Variants in SGPP2 observed in about 807,000 individuals in gnomAD.
The protein encoded by SGPP2 is sphingosine 1-phosphate phosphohydrolase 2.
Under a neutral mutation model 33.9 loss-of-function variants are expected in SGPP2, and 30 were observed. The ratio of observed to expected loss-of-function variants is 0.89; its 90% CI spans 0.66 to 1.20. SGPP2 has a LOEUF of 1.20. Ranked by LOEUF, SGPP2 falls within the 50% of genes most tolerant of loss-of-function variation. The pLI is 0.00. For missense variants in SGPP2, 458 were observed against 532.1 expected, an observed-to-expected ratio of 0.86 and a Z score of 1.37; for synonymous variants, 233 against 225.0, an observed-to-expected ratio of 1.04 and a Z score of -0.32.
chr2:222,513,445 C>A (rs560683111), intron 2 of SGPP2, among the ~76,000 whole-genome samples: 1 of 152,250 alleles, frequency 6.6e-6, no homozygotes, highest in African/African-American at 2.4e-5. Flanking sequence ...TCCCCCAAAC[C>A]AGCACAGTAC....
chr2:222,555,651 C>G (rs1689384464), intron 4 of SGPP2, among the ~76,000 whole-genome samples: 1 of 151,882 alleles, frequency 6.6e-6, no homozygotes. Context: ...GATGTAAACT[C>G]GAGAGAAACA....
intron 1 of SGPP2, chr2:222,452,484 C>T (rs2106076901): frequency 1.2e-6 from 1 of 855,494 alleles, no homozygotes; most frequent in Admixed American, 1.7e-5. Flanking sequence ...TAGTTGTCTG[C>T]TTTATTACGT....
intron 4 of SGPP2, among the ~76,000 whole-genome samples, chr2:222,543,509 A>G (rs779810950): frequency 3.9e-5 from 6 of 152,252 alleles, no homozygotes; most frequent in Admixed American, 3.3e-4. Context: ...AGGGACAGTA[A>G]GAGATTAACA....
intron 1 of SGPP2, among the ~76,000 whole-genome samples, chr2:222,429,608 G>A (rs188055818): frequency 8.5e-5 from 13 of 152,220 alleles, no homozygotes; most frequent in East Asian, 3.9e-4. Flanking sequence ...TTTAATGGCC[G>A]CATGTTCCTC....
At chr2:222,520,496 C>T (rs1698667984) in intron 2 of SGPP2, among the ~76,000 whole-genome samples, 1 of 152,016 alleles carries the variant, frequency 6.6e-6, no homozygotes, top group Non-Finnish European at 1.5e-5. Context: ...TTTGGGAGGC[C>T]GAGGCCGGCA....
At chr2:222,541,295 T>C (rs12478691) in intron 4 of SGPP2, among the ~76,000 whole-genome samples, 45 of 149,952 alleles carry the variant, frequency 3.0e-4, no homozygotes, top group African/African-American at 1.1e-3. Flanking sequence ...TTGGGGCTGT[T>C]TGAGGCACCA....
At position 222,550,024 on chromosome 2, in the gene SGPP2, G is replaced by A. The variant is rs767049574; in HGVS notation, c.649-8323G>A. Among the ~76,000 whole-genome samples the A allele has an allele frequency of 1.3e-5, 2 of 151,742 alleles. No homozygotes were observed. The highest frequency in any genetic ancestry group is 2.4e-5 in the African/African-American group (1 of 41,276). On this transcript the variant is annotated intron_variant, in intron 4 of 4. Transcript: ENST00000321276. The surrounding 1 kb of genome is among the most constrained non-coding windows in gnomAD (Gnocchi z 4.5). ...CCTGAGTAGCTGGAACTACAGGCAC[G>A]CGCCACCACGTCTGGTTAATTTTTT...
chr2:222,462,860 A>G (rs984039670), intron 1 of SGPP2, among the ~76,000 whole-genome samples: 1 of 152,194 alleles, frequency 6.6e-6, no homozygotes, highest in Non-Finnish European at 1.5e-5. Flanking sequence ...AAAAATTCTC[A>G]GAGCACAAAG....
chr2:222,482,017 T>C (rs1022484204), intron 2 of SGPP2, among the ~76,000 whole-genome samples: 2 of 152,216 alleles, frequency 1.3e-5, no homozygotes, highest in African/African-American at 4.8e-5. Flanking sequence ...TCTCTTCTAA[T>C]AATTATTGGC....
At chr2:222,495,102 G>A (rs1448218645) in intron 2 of SGPP2, among the ~76,000 whole-genome samples, 2 of 152,140 alleles carry the variant, frequency 1.3e-5, no homozygotes, top group Admixed American at 6.5e-5. Flanking sequence ...GTTTGCTAAT[G>A]TCAGAGCTTA....
chr2:222,453,143 A>G, intron 1 of SGPP2: 1 of 800,686 alleles, frequency 1.2e-6, no homozygotes. Context: ...AAGGAAGAGG[A>G]GAGACAGTCG....
chr2:222,537,641 A>G (rs1698934533), intron 4 of SGPP2, among the ~76,000 whole-genome samples: 1 of 152,234 alleles, frequency 6.6e-6, no homozygotes, highest in Non-Finnish European at 1.5e-5. Context: ...TGCAATATGT[A>G]TCAAAAGTAG....
chr2:222,470,930 C>T (rs571197763), intron 1 of SGPP2, among the ~76,000 whole-genome samples: 5 of 152,296 alleles, frequency 3.3e-5, no homozygotes, highest in African/African-American at 1.2e-4. Flanking sequence ...TGATTCCGCT[C>T]TAGAGAGAGG....
chr2:222,485,865 A>G (rs144546194), intron 2 of SGPP2, among the ~76,000 whole-genome samples: 2 of 152,330 alleles, frequency 1.3e-5, no homozygotes, highest in African/African-American at 4.8e-5. Flanking sequence ...TAAGTGCTCT[A>G]TCTGTTCACA....
At chr2:222,535,151 C>T (rs953324690) in intron 4 of SGPP2, among the ~76,000 whole-genome samples, 1 of 151,620 alleles carries the variant, frequency 6.6e-6, no homozygotes, top group Admixed American at 6.6e-5. Flanking sequence ...CAAAGGCGGG[C>T]AGATCACCTG....
chr2:222,529,999 C>G (rs1290937464), intron 4 of SGPP2, among the ~76,000 whole-genome samples: 2 of 152,182 alleles, frequency 1.3e-5, no homozygotes, highest in African/African-American at 4.8e-5. Context: ...TCTTGTACAT[C>G]TTGTACATCT....
intron 2 of SGPP2, among the ~76,000 whole-genome samples, chr2:222,482,093 C>T (rs1244799525): frequency 1.3e-5 from 2 of 152,166 alleles, no homozygotes; most frequent in Non-Finnish European, 2.9e-5. Context: ...GCTGCTTCTA[C>T]TTCACCAGCA....
chr2:222,534,322 GAACA>G (rs1299488048), intron 4 of SGPP2, among the ~76,000 whole-genome samples: 1 of 152,196 alleles, frequency 6.6e-6, no homozygotes, highest in East Asian at 1.9e-4. Flanking sequence ...TGTGAAATAT[GAACA>G]AACAGTGAAT....
chr2:222,561,328 G>A lies in SGPP2; in HGVS notation c.*2430G>A, dbSNP rs1689535026. On this transcript the variant is annotated 3_prime_UTR_variant, in exon 5 of 5. Transcript: ENST00000321276. ...GAGCAGTGGCTGTCAGCCGGATGCG[G>A]CACTTTTCTGTATTTTCATCCACAC... Among the ~76,000 whole-genome samples, 1 of 151,928 alleles carries A rather than the reference G, an allele frequency of 6.6e-6. No individual in the cohort carries two copies. Among genetic ancestry groups the A allele is most frequent in the Non-Finnish European group, 1.5e-5 (1 of 67,996 alleles).
Sources: allele counts gnomAD v4.1 joint callset (sites outside exome capture counted in the v4.1 genomes callset), GRCh38; gene constraint gnomAD v4.1.1; non-coding constraint Gnocchi (gnomAD v3.1); transcripts MANE v1.5; gene names NCBI Gene and HGNC (gene_info 2026-07-23, HGNC 2026-07-21).